Variants in SUSD6 observed in about 807,000 individuals in gnomAD.
SUSD6 encodes sushi domain containing 6, also known as sushi domain-containing protein 6.
Under a neutral mutation model 28.4 loss-of-function variants are expected in SUSD6, and 16 were observed. The ratio of observed to expected loss-of-function variants is 0.56; its 90% CI spans 0.38 to 0.86. SUSD6 has a LOEUF of 0.86. Ranked by LOEUF, SUSD6 falls within the 40% of genes least tolerant of loss-of-function variation. SUSD6 has a pLI of 0.00. For missense variants in SUSD6, 341 were observed against 384.2 expected, an observed-to-expected ratio of 0.89 and a Z score of 0.94; for synonymous variants, 147 against 159.6, an observed-to-expected ratio of 0.92 and a Z score of 0.59.
At chr14:69,659,031 G>T (rs1441568962) in intron 2 of SUSD6, among the ~76,000 whole-genome samples, 1 of 152,138 alleles carries the variant, frequency 6.6e-6, no homozygotes, top group Non-Finnish European at 1.5e-5. Context: ...GAATCAGACT[G>T]CCTGTGTTCA....
chr14:69,697,391 A>G (rs1886241810), intron 2 of SUSD6, among the ~76,000 whole-genome samples: 1 of 152,100 alleles, frequency 6.6e-6, no homozygotes, highest in Non-Finnish European at 1.5e-5. Context: ...TCTCAGCCTC[A>G]TTTTACTCAG....
At chr14:69,679,364 G>T (rs1885964366) in intron 2 of SUSD6, among the ~76,000 whole-genome samples, 1 of 152,090 alleles carries the variant, frequency 6.6e-6, no homozygotes, top group Non-Finnish European at 1.5e-5. Context: ...ACATCTGTGG[G>T]TTTATTGTTA....
At chr14:69,636,885 G>A (rs1885273508) in intron 1 of SUSD6, among the ~76,000 whole-genome samples, 1 of 152,240 alleles carries the variant, frequency 6.6e-6, no homozygotes, top group Non-Finnish European at 1.5e-5. Context: ...AGAGTTAGGA[G>A]AATGGGGTTC....
intron 1 of SUSD6, chr14:69,617,522 T>G (rs1462410749): frequency 1.3e-5 from 2 of 152,238 alleles, no homozygotes; most frequent in African/African-American, 4.8e-5. Context: ...CCAGTAGCAT[T>G]GTTTCCAAAT....
intron 2 of SUSD6, among the ~76,000 whole-genome samples, chr14:69,668,855 C>T (rs923284802): frequency 6.6e-6 from 1 of 151,754 alleles, no homozygotes; most frequent in Non-Finnish European, 1.5e-5. Context: ...TCCCCACCTC[C>T]ACTTTCTCCC....
intron 2 of SUSD6, among the ~76,000 whole-genome samples, chr14:69,669,839 C>T (rs1566599832): frequency 6.6e-6 from 1 of 152,184 alleles, no homozygotes; most frequent in Non-Finnish European, 1.5e-5. Context: ...AACAAGAGCT[C>T]CTAGTCGTAG....
At chr14:69,701,594 T>C (rs371646519) in intron 2 of SUSD6, among the ~76,000 whole-genome samples, 3 of 152,308 alleles carry the variant, frequency 2.0e-5, no homozygotes, top group East Asian at 3.9e-4. Flanking sequence ...TCTGAACTAC[T>C]TGGCCAAAGT....
intron 2 of SUSD6, among the ~76,000 whole-genome samples, chr14:69,671,718 G>A (rs1384267863): frequency 6.6e-6 from 1 of 152,198 alleles, no homozygotes; most frequent in African/African-American, 2.4e-5. Flanking sequence ...GGTGAGGACT[G>A]TCTGTGATTT....
chr14:69,698,700 G>A (rs914478729), intron 2 of SUSD6, among the ~76,000 whole-genome samples: 2 of 152,164 alleles, frequency 1.3e-5, no homozygotes, highest in African/African-American at 4.8e-5. Context: ...CGACGGAGGT[G>A]GTGGAAGTAT....
intron 1 of SUSD6, among the ~76,000 whole-genome samples, chr14:69,639,035 A>G (rs1264261757): frequency 6.6e-6 from 1 of 152,128 alleles, no homozygotes. Flanking sequence ...TTAGAAGTAG[A>G]TAAGGCCAGG....
chr14:69,709,116 A>C lies in SUSD6; in HGVS notation c.886+12A>C, dbSNP rs1165924133. 1 of 1,548,796 alleles carries C rather than the reference A, an allele frequency of 6.5e-7. No individual in the cohort carries two copies. Among genetic ancestry groups the C allele is most frequent in the African/African-American group, 1.4e-5 (1 of 72,860 alleles). Reference sequence around the variant, plus strand: ...GGAGTACACAGATGGTGAGTGGTCCAAGCTGAACATGAATTATTAGCTGCT... The same window carrying C: ...GGAGTACACAGATGGTGAGTGGTCCCAGCTGAACATGAATTATTAGCTGCT... On this transcript the variant is annotated intron_variant, in intron 5 of 5. Transcript: ENST00000342745.
At chr14:69,618,471 C>A (rs1474566170) in intron 1 of SUSD6, among the ~76,000 whole-genome samples, 1 of 152,192 alleles carries the variant, frequency 6.6e-6, no homozygotes, top group African/African-American at 2.4e-5. Flanking sequence ...GATCGTAGAT[C>A]CCTACTAAAA....
chr14:69,643,527 G>T (rs1052078380), intron 1 of SUSD6, among the ~76,000 whole-genome samples: 2 of 152,200 alleles, frequency 1.3e-5, no homozygotes, highest in Non-Finnish European at 2.9e-5. Context: ...TACACTTTGA[G>T]TCTTCTTCCT....
intron 1 of SUSD6, among the ~76,000 whole-genome samples, chr14:69,614,111 G>A (rs1595026733): frequency 2.0e-5 from 3 of 151,824 alleles, no homozygotes; most frequent in South Asian, 2.1e-4. Context: ...TCTGTCACCC[G>A]GGCTGGAGTG....
chr14:69,715,065 C>T lies in SUSD6; in HGVS notation c.*4086C>T, dbSNP rs530451686. On this transcript the variant is annotated 3_prime_UTR_variant, in exon 6 of 6. Transcript: ENST00000342745. ...TGAAGATAGTATTTTAATATTTGTACAAAGTTTAATTTAATTTTAATTGTT... is the reference window on the plus strand; with the variant it reads ...TGAAGATAGTATTTTAATATTTGTATAAAGTTTAATTTAATTTTAATTGTT... 1.3e-5 allele frequency: 2 copies of T among 152,090 alleles called. No homozygotes were observed. Among genetic ancestry groups the T allele is most frequent in the East Asian group, 3.9e-4 (2 of 5,190 alleles). 9.4% of individuals were successfully genotyped at this position (152,090 alleles called of 1,614,324 possible).
At chr14:69,662,410 TA>T (rs1286328354) in intron 2 of SUSD6, among the ~76,000 whole-genome samples, 1 of 152,156 alleles carries the variant, frequency 6.6e-6, no homozygotes, top group Non-Finnish European at 1.5e-5. Context: ...AGTTCTGGAG[TA>T]AAATTACATC....
At chr14:69,628,785 A>C (rs1051223861) in intron 1 of SUSD6, among the ~76,000 whole-genome samples, 1 of 140,886 alleles carries the variant, frequency 7.1e-6, no homozygotes, top group African/African-American at 2.7e-5. Context: ...CAGTGGGGCT[A>C]TGTAGGCTCA....
At chr14:69,685,978 C>T (rs1462193052) in intron 2 of SUSD6, among the ~76,000 whole-genome samples, 1 of 152,244 alleles carries the variant, frequency 6.6e-6, no homozygotes, top group Non-Finnish European at 1.5e-5. Flanking sequence ...CCAGCTCCCT[C>T]TGTGCAGCCG....
At chr14:69,611,919 A>G (rs1303929487) in intron 1 of SUSD6, 91 bp downstream of exon 1, 1 of 150,942 alleles carries the variant, frequency 6.6e-6, no homozygotes. Flanking sequence ...ACCAGCGCGC[A>G]CCGCCCAGGA....
Sources: allele counts gnomAD v4.1 joint callset (sites outside exome capture counted in the v4.1 genomes callset), GRCh38; gene constraint gnomAD v4.1.1; transcripts MANE v1.5; gene names NCBI Gene and HGNC (gene_info 2026-07-23, HGNC 2026-07-21).